Variants in SMC1B observed in about 807,000 individuals in gnomAD.
The protein encoded by SMC1B is structural maintenance of chromosomes protein 1B.
Under a neutral mutation model 157.9 loss-of-function variants are expected in SMC1B, and 60 were observed. That is an observed-to-expected ratio of 0.38 (90% CI 0.31 to 0.47). The LOEUF (loss-of-function observed/expected upper bound fraction) is 0.47, where lower values mean the gene tolerates loss of function less well. Among genes scored for constraint, SMC1B ranks in the 20% least tolerant of loss-of-function variants. SMC1B has a pLI of 0.99. For synonymous variants in SMC1B, 445 were observed against 483.0 expected (o/e 0.92, Z 1.03); for missense variants, 1,165 against 1,426.2 (o/e 0.82, Z 2.95).
At position 45,398,109 on chromosome 22, in the gene SMC1B, G is replaced by A. The variant is rs150142116; in HGVS notation, c.1113+986C>T. On this transcript the variant is annotated intron_variant, in intron 6 of 24. Coordinates refer to ENST00000357450, the MANE Select transcript of SMC1B (RefSeq NM_148674.5). ...CTGACAGAGCTGTTAACATGCCTTC[G>A]GACGTGCATCCTTCAGGCTGCAGAC... is the stretch of plus-strand genomic sequence containing the variant. Among the ~76,000 whole-genome samples, 467 of 152,246 alleles carry A rather than the reference G, an allele frequency of 3.1e-3. 3 individuals are homozygous for A. Among genetic ancestry groups the A allele is most frequent in the African/African-American group, 0.011 (441 of 41,548 alleles).
intron 11 of SMC1B, among the ~76,000 whole-genome samples, chr22:45,385,697 A>G (rs136588): frequency 0.62 from 94,459 of 151,880 alleles, 31,865 homozygotes; most frequent in African/African-American, 0.89. Flanking sequence ...TCAATTCTAT[A>G]AAATATACAA....
intron 21 of SMC1B, 55 bp downstream of exon 21, chr22:45,353,923 A>AAAAAAAAAAAAACC: frequency 2.9e-6 from 3 of 1,036,896 alleles, no homozygotes; most frequent in Non-Finnish European, 2.8e-6. Flanking sequence ...AAAAAAAACA[A>AAAAAAAAAAAAACC]CCACCACCGG....
intron 5 of SMC1B, 21 bp downstream of exon 5, chr22:45,402,312 T>C (rs763032002): frequency 4.6e-6 from 7 of 1,515,294 alleles, no homozygotes; most frequent in South Asian, 3.4e-5. Flanking sequence ...CAACTGTTAA[T>C]ATCTACTTTT....
rs1351781372 is a variant in SMC1B at position 45,358,714 on chromosome 22, G to A, written c.2944C>T (p.Leu982=). 5 of 1,606,816 alleles carry A rather than the reference G, an allele frequency of 3.1e-6. No homozygotes were observed. The highest frequency in any genetic ancestry group is 4.3e-6 in the Non-Finnish European group (5 of 1,175,384). Residue 982 remains leucine, a synonymous_variant, in exon 19 of 25, where the codon CTA becomes TTA. Coordinates refer to ENST00000357450, the MANE Select transcript of SMC1B (RefSeq NM_148674.5). The part of the protein sequence containing the change: ...EEAFEIDYSS[L]KEDLKALQSD... ...TCCATTACCTTCAAATCCTCTTTTAGAGAGCTGTAGTCTATTTCAAAGGCT... is the reference window on the plus strand; with the variant it reads ...TCCATTACCTTCAAATCCTCTTTTAAAGAGCTGTAGTCTATTTCAAAGGCT...
Position 45,402,457 on chromosome 22 carries a change from G to A in SMC1B, c.730C>T (p.His244Tyr). Residue 244 changes from histidine to tyrosine, a missense_variant, in exon 5 of 25, where the codon CAT becomes TAT. Physicochemically the swap from His to Tyr is moderately conservative, Grantham distance 83. Transcript: ENST00000357450. Reference sequence around the variant, plus strand: ...TTGACACTCAAATCCCTATTCACATGCTCTAACTTGGTGTTCAGGAGATGA... The same window carrying A: ...TTGACACTCAAATCCCTATTCACATACTCTAACTTGGTGTTCAGGAGATGA... ...KIHLLNTKLE[H>Y]VNRDLSVKRE... The A allele has an allele frequency of 6.2e-7, 1 of 1,613,754 alleles. No individual in the cohort carries two copies. The highest frequency in any genetic ancestry group is 8.5e-7 in the Non-Finnish European group (1 of 1,179,784).
At chr22:45,383,980 G>A (rs2086965142) in intron 11 of SMC1B, among the ~76,000 whole-genome samples, 1 of 152,198 alleles carries the variant, frequency 6.6e-6, no homozygotes, top group Non-Finnish European at 1.5e-5. Flanking sequence ...GTACAAGTGA[G>A]ATAACTGCCC....
chr22:45,392,100 C>A (rs1490126816), intron 9 of SMC1B, among the ~76,000 whole-genome samples: 1 of 152,162 alleles, frequency 6.6e-6, no homozygotes, highest in African/African-American at 2.4e-5. Flanking sequence ...GCATGCACCA[C>A]CACGCCCAGC....
intron 17 of SMC1B, among the ~76,000 whole-genome samples, chr22:45,360,426 C>A (rs1380510681): frequency 6.6e-6 from 1 of 151,154 alleles, no homozygotes; most frequent in East Asian, 1.9e-4. Flanking sequence ...TTTAAAGGAA[C>A]CTGGAAAAAG....
chr22:45,359,710 C>CT lies in SMC1B; in HGVS notation c.2862+94dup. ...CTCCTATGAGATGTCTTCACCACCC[C>CT]TAAAGGGGCTACAGAACAAGAGAAA... On this transcript the variant is annotated intron_variant, in intron 18 of 24. Coordinates refer to ENST00000357450, the MANE Select transcript of SMC1B (RefSeq NM_148674.5). The CT allele has an allele frequency of 2.2e-6, 3 of 1,384,152 alleles. No homozygotes were observed. The South Asian group carries it at 4.2e-5, about 19-fold the overall frequency. 85.7% of individuals were successfully genotyped at this position (1,384,152 alleles called of 1,614,324 possible). A position where few individuals can be genotyped will look rare whatever the true frequency, so the allele number is the denominator to read the frequency against.
At chr22:45,370,709 T>C (rs747338678) in intron 14 of SMC1B, among the ~76,000 whole-genome samples, 3 of 152,204 alleles carry the variant, frequency 2.0e-5, no homozygotes, top group Non-Finnish European at 4.4e-5. Flanking sequence ...GTTACAGTTA[T>C]AAACATACAG....
At chr22:45,385,850 C>G (rs182920871) in intron 11 of SMC1B, among the ~76,000 whole-genome samples, 19 of 151,998 alleles carry the variant, frequency 1.3e-4, no homozygotes, top group Non-Finnish European at 2.9e-5. Flanking sequence ...ATCAGAAACA[C>G]CAAAATGTAT....
At chr22:45,360,678 A>G (rs1417771455) in intron 17 of SMC1B, among the ~76,000 whole-genome samples, 1 of 152,222 alleles carries the variant, frequency 6.6e-6, no homozygotes, top group Admixed American at 6.5e-5. Context: ...TATTTACACA[A>G]AAAACAAGAG....
At position 45,408,778 on chromosome 22, in the gene SMC1B, G is replaced by A; in HGVS notation, c.230C>T (p.Ser77Phe). 1.3e-6 allele frequency: 2 copies of A among 1,596,838 alleles called. No individual in the cohort carries two copies. Residue 77 changes from serine to phenylalanine, a missense_variant, in exon 2 of 25, where the codon TCT becomes TTT. Transcript: ENST00000357450. ...GAHIGKPISS[S>F]ASVKIIYVEE... is the part of the protein sequence containing the mutation. The stretch of plus-strand genomic sequence containing the variant: ...CACATATATAATTTTTACACTTGCA[G>A]AAGAAGAAATAGGTTTTCCAATATG...
chr22:45,358,624 C>T, intron 19 of SMC1B, 73 bp downstream of exon 19: 1 of 934,166 alleles, frequency 1.1e-6, no homozygotes, highest in Non-Finnish European at 1.6e-6. Context: ...ATTCTATCAT[C>T]CAAAAATGAT....
chr22:45,404,433 T>C (rs2087234028), intron 4 of SMC1B, among the ~76,000 whole-genome samples: 1 of 152,198 alleles, frequency 6.6e-6, no homozygotes, highest in Non-Finnish European at 1.5e-5. Context: ...GAATCCCCTT[T>C]CCCTTTTCCA....
rs1569169715 is a variant in SMC1B, at chr22:45,345,473, C to T, written c.3592G>A (p.Gly1198Ser). The change falls in exon 24 of 25, where the codon GGC becomes AGC. Residue 1198 changes from glycine (G) to serine (S), a missense_variant. Physicochemically the swap from Gly to Ser is moderately conservative, Grantham distance 56. Coordinates refer to ENST00000357450, the MANE Select transcript of SMC1B (RefSeq NM_148674.5). The stretch of plus-strand genomic sequence containing the variant: ...TTTGTCTTTACCTCAGGATAGATGC[C>T]GATCAGCGCGTCGGCTCTGGAATAG... Reference protein sequence around the residue: ...EFYSRADALIGIYPEYDDCMF... With the variant: ...EFYSRADALISIYPEYDDCMF... 6.2e-7 allele frequency: 1 copy of T among 1,612,094 alleles called. No individual in the cohort carries two copies. The highest frequency in any genetic ancestry group is 1.7e-5 in the Admixed American group (1 of 59,940).
At position 45,406,534 on chromosome 22, in the gene SMC1B, C is replaced by T. The variant is rs2087262421; in HGVS notation, c.541G>A (p.Asp181Asn). The change falls in exon 4 of 25, where the codon GAT becomes AAT. Residue 181 changes from aspartate (D) to asparagine (N), a missense_variant. By Grantham distance (23) the Asp-to-Asn change is conservative. Transcript: ENST00000357450. Reference sequence around the variant, plus strand: ...TTCTTATTAAAGTTAAACTGTGCATCCTCTTCGGCTTTTTGTAACTTTCTT... The same window carrying T: ...TTCTTATTAAAGTTAAACTGTGCATTCTCTTCGGCTTTTTGTAACTTTCTT... ...KKRKLQKAEE[D>N]AQFNFNKKKN... 1.9e-6 allele frequency: 3 copies of T among 1,613,036 alleles called. No homozygotes were observed. The highest frequency in any genetic ancestry group is 2.5e-6 in the Non-Finnish European group (3 of 1,179,902).
At chr22:45,349,828 A>C (rs779969433) in intron 22 of SMC1B, 31 bp from the exon 23 acceptor site, 1 of 1,524,204 alleles carries the variant, frequency 6.6e-7, no homozygotes, top group Non-Finnish European at 9.0e-7. Context: ...AGTAAGTTAC[A>C]ATTTTCTATT....
At chr22:45,390,317 T>A (rs1414543592) in intron 9 of SMC1B, among the ~76,000 whole-genome samples, 3 of 151,988 alleles carry the variant, frequency 2.0e-5, no homozygotes, top group African/African-American at 7.3e-5. Flanking sequence ...AAGACATAAA[T>A]AATCAATAAT....
Sources: gnomAD v4.1 joint callset for allele counts (sites outside exome capture counted in the v4.1 genomes callset) on GRCh38, gnomAD v4.1.1 for gene constraint, MANE v1.5 for transcripts, NCBI Gene and HGNC (gene_info 2026-07-23, HGNC 2026-07-21) for gene names.